The following CAPN9 variants were observed in gnomAD, a reference collection of about 807,000 sequenced individuals.
CAPN9 encodes calpain 9.
CAPN9 carries 81 observed loss-of-function variants against 92.8 expected under a neutral mutation model. The ratio of observed to expected loss-of-function variants is 0.87; its 90% CI spans 0.73 to 1.05. The LOEUF (loss-of-function observed/expected upper bound fraction) is 1.05, where lower values mean the gene tolerates loss of function less well. Ranked by LOEUF, CAPN9 falls within the 50% of genes least tolerant of loss-of-function variation. The pLI is 0.00. For synonymous variants in CAPN9, 304 were observed against 328.0 expected, an observed-to-expected ratio of 0.93 and a Z score of 0.79; for missense variants, 848 against 866.2, an observed-to-expected ratio of 0.98 and a Z score of 0.26.
chr1:230,792,379 C>G (rs1311270906), intron 15 of CAPN9, 47 bp from the exon 16 acceptor site: 2 of 1,543,826 alleles, frequency 1.3e-6, no homozygotes, highest in Admixed American at 3.3e-5. Context: ...CACGAGGAGC[C>G]TCAGGTTGAA....
At chr1:230,780,038 C>T in intron 9 of CAPN9, 141 bp from the exon 10 acceptor site, 1 of 636,256 alleles carries the variant, frequency 1.6e-6, no homozygotes, top group South Asian at 2.2e-5. Flanking sequence ...ATTACTTTCT[C>T]ATGTTTGGTA....
At chr1:230,756,264 C>T (rs1487158117) in intron 2 of CAPN9, among the ~76,000 whole-genome samples, 2 of 151,594 alleles carry the variant, frequency 1.3e-5, no homozygotes, top group East Asian at 3.9e-4. Context: ...AAGTCACAAA[C>T]CTAGACTGAT....
intron 2 of CAPN9, among the ~76,000 whole-genome samples, chr1:230,758,928 G>A (rs1022908322): frequency 6.6e-5 from 10 of 152,210 alleles, no homozygotes; most frequent in African/African-American, 2.4e-4. Flanking sequence ...TTTGATGTTT[G>A]ACTTCACTTT....
chr1:230,789,304 G>C (rs760843809), intron 13 of CAPN9, among the ~76,000 whole-genome samples: 2 of 151,944 alleles, frequency 1.3e-5, no homozygotes, highest in Non-Finnish European at 2.9e-5. Flanking sequence ...CATAGGGAGA[G>C]CCCATCTCTG....
At chr1:230,787,390 G>A (rs1233827299) in intron 12 of CAPN9, 132 bp from the exon 13 acceptor site, 19 of 677,756 alleles carry the variant, frequency 2.8e-5, no homozygotes, top group Admixed American at 2.5e-4. Flanking sequence ...GCTACAGGAC[G>A]CAGCTTGTGC....
intron 11 of CAPN9, among the ~76,000 whole-genome samples, chr1:230,785,153 A>G (rs1472389641): frequency 6.6e-6 from 1 of 152,178 alleles, no homozygotes; most frequent in African/African-American, 2.4e-5. Context: ...TGTATTTTGG[A>G]AGTATAAAAT....
rs751209634 is a variant in CAPN9, at chr1:230,801,632, T to A, written c.*36T>A. On this transcript the variant is annotated 3_prime_UTR_variant, in exon 20 of 20. Transcript: ENST00000271971. ...TAGAGATGCAGCCTGCCCAGCTGAA[T>A]CTTGGCTTCTGGACCTTGACCTTCA... is the stretch of plus-strand genomic sequence containing the variant. 2 of 1,606,498 alleles carry A rather than the reference T, an allele frequency of 1.2e-6. No homozygotes were observed. The highest frequency in any genetic ancestry group is 1.7e-6 in the Non-Finnish European group (2 of 1,173,068).
intron 13 of CAPN9, among the ~76,000 whole-genome samples, chr1:230,789,254 C>A (rs575248256): frequency 1.0e-3 from 156 of 151,804 alleles, no homozygotes; most frequent in Non-Finnish European, 1.1e-3. Context: ...GGAAAAAAAA[C>A]ACAGATTCCT....
rs775401050 is a variant in CAPN9, at chr1:230,800,286, GAAAGAAAGAAAGAAAGAAAGGAAA to G, written c.2047-1281_2047-1258del. 9.3e-3 allele frequency among the ~76,000 whole-genome samples: 1,148 copies of G among 123,476 alleles called. 38 individuals are homozygous for G. Among genetic ancestry groups the G allele is most frequent in the Middle Eastern group, 0.023 (5 of 214 alleles). The allele number at this position is 123,476 out of a possible 152,430, so 81.0% of individuals were successfully genotyped here. A position where few individuals can be genotyped will look rare whatever the true frequency, so the allele number is the denominator to read the frequency against. ...AGAAAGAAAGAAAGAAAGAAAGAAA[GAAAGAAAGAAAGAAAGAAAGGAAA>G]AACAAGAGAGACCCCTAGGTCCACC... On this transcript the variant is annotated intron_variant, in intron 19 of 19. Transcript: ENST00000271971.
intron 8 of CAPN9, chr1:230,775,933 AAT>A (rs763062937): frequency 6.6e-6 from 1 of 151,048 alleles, no homozygotes; most frequent in Non-Finnish European, 1.5e-5. Context: ...AAAAAAAAAA[AAT>A]ACTACAACCC....
intron 3 of CAPN9, among the ~76,000 whole-genome samples, chr1:230,760,379 G>A (rs551238685): frequency 1.8e-3 from 267 of 152,252 alleles, no homozygotes; most frequent in Non-Finnish European, 2.9e-3. Context: ...CACAGGAGCC[G>A]GCACAGAGCC....
chr1:230,767,755 C>T (rs1298891665), intron 5 of CAPN9, 46 bp downstream of exon 5: 1 of 1,558,010 alleles, frequency 6.4e-7, no homozygotes, highest in Admixed American at 1.8e-5. Context: ...GCTGGGGCTG[C>T]ATAGTGCATT....
chr1:230,795,631 C>G lies in CAPN9; in HGVS notation c.1987+352C>G, dbSNP rs28359727. 514 of 228,642 alleles carry G rather than the reference C, an allele frequency of 2.2e-3. 3 individuals are homozygous for G. Among genetic ancestry groups the G allele is most frequent in the African/African-American group, 9.5e-3 (418 of 43,962 alleles). 14.2% of individuals were successfully genotyped at this position (228,642 alleles called of 1,614,324 possible). On this transcript the variant is annotated intron_variant, in intron 18 of 19. Transcript: ENST00000271971. ...AGAGTCTCAGTCCCCCTTCCTCCCCCCTTCCCCGCCCTGTAAGCCCTAGAC... is the reference window on the plus strand; with the variant it reads ...AGAGTCTCAGTCCCCCTTCCTCCCCGCTTCCCCGCCCTGTAAGCCCTAGAC...
In CAPN9 at chr1:230,759,687, G is replaced by C; in HGVS notation, c.402+57G>C. On this transcript the variant is annotated intron_variant, in intron 3 of 19. Coordinates refer to ENST00000271971, the MANE Select transcript of CAPN9 (RefSeq NM_006615.3). Reference sequence around the variant, plus strand: ...CTCTCTGGGGCCCGGCATGAGGGCAGGTGCATTTCCACACTGCCTGGTAAC... The same window carrying C: ...CTCTCTGGGGCCCGGCATGAGGGCACGTGCATTTCCACACTGCCTGGTAAC... The C allele has an allele frequency of 4.4e-6, 5 of 1,128,720 alleles. No homozygotes were observed. In the South Asian group the frequency reaches 7.2e-5, roughly 16 times the overall value. The allele number at this position is 1,128,720 out of a possible 1,614,324, so 69.9% of individuals were successfully genotyped here. A position where few individuals can be genotyped will look rare whatever the true frequency, so the allele number is the denominator to read the frequency against.
At chr1:230,801,363 C>T (rs772168568) in intron 19 of CAPN9, among the ~76,000 whole-genome samples, 3 of 152,202 alleles carry the variant, frequency 2.0e-5, no homozygotes, top group South Asian at 2.1e-4. Context: ...TTGGAAAGGA[C>T]TCAGGTCCTC....
chr1:230,763,365 A>C (rs776593135), intron 4 of CAPN9, among the ~76,000 whole-genome samples: 2 of 152,078 alleles, frequency 1.3e-5, no homozygotes, highest in Non-Finnish European at 2.9e-5. Context: ...CATCTTGCAA[A>C]ACTGAAATTC....
intron 18 of CAPN9, among the ~76,000 whole-genome samples, chr1:230,797,440 C>A (rs968810105): frequency 6.6e-6 from 1 of 152,170 alleles, no homozygotes; most frequent in East Asian, 1.9e-4. Flanking sequence ...TCCAGGCCAC[C>A]TTTTTACAGT....
chr1:230,766,460 A>G (rs1665990590), intron 4 of CAPN9, among the ~76,000 whole-genome samples: 1 of 152,204 alleles, frequency 6.6e-6, no homozygotes, highest in African/African-American at 2.4e-5. Flanking sequence ...TACCAGGAGA[A>G]AAAACATTAG....
intron 4 of CAPN9, among the ~76,000 whole-genome samples, chr1:230,765,556 G>A (rs981555818): frequency 6.6e-5 from 10 of 152,148 alleles, no homozygotes; most frequent in African/African-American, 2.4e-4. Context: ...CTACTCGGGA[G>A]GCTAAGGCAG....
Sources: gnomAD v4.1 joint callset for allele counts (sites outside exome capture counted in the v4.1 genomes callset) on GRCh38, gnomAD v4.1.1 for gene constraint, MANE v1.5 for transcripts, NCBI Gene and HGNC (gene_info 2026-07-23, HGNC 2026-07-21) for gene names.